SCOC: variants seen among roughly 807,000 people sequenced by gnomAD.
SCOC encodes the protein short coiled-coil protein.
A neutral mutation model predicts 9.9 loss-of-function variants in SCOC; 7 were observed. The observed-to-expected ratio is 0.71, with a 90% CI of 0.40 to 1.33. The LOEUF is 1.33. Among genes scored for constraint, SCOC ranks in the 40% most tolerant of loss-of-function variants. The pLI, the probability that SCOC is intolerant of heterozygous loss-of-function variation, is 0.01. For missense variants in SCOC, 66 were observed against 89.7 expected (o/e 0.74, Z 1.07); for synonymous variants, 19 against 28.2 (o/e 0.67, Z 1.03).
chr4:140,371,164 C>T (rs1018631110), upstream of SCOC, among the ~76,000 whole-genome samples: 5 of 152,174 alleles, frequency 3.3e-5, no homozygotes, highest in East Asian at 1.9e-4. Flanking sequence ...GGATTACAGC[C>T]GTGAGCCACC....
upstream of SCOC, among the ~76,000 whole-genome samples, chr4:140,340,783 CTTTT>C (rs36136647): frequency 1.2e-4 from 5 of 40,448 alleles, no homozygotes; most frequent in African/African-American, 1.9e-4. Flanking sequence ...TGCTGCCTAA[CTTTT>C]TTTTTTTTTT....
At chr4:140,268,164 C>G (rs1218773705) in intron 1 of SCOC, among the ~76,000 whole-genome samples, 1 of 152,188 alleles carries the variant, frequency 6.6e-6, no homozygotes, top group Admixed American at 6.5e-5. Flanking sequence ...AGAGAAAGCT[C>G]ATGTCCTCTC....
chr4:140,274,781 C>T (rs535849144), intron 1 of SCOC, among the ~76,000 whole-genome samples: 13 of 152,366 alleles, frequency 8.5e-5, no homozygotes, highest in Admixed American at 4.6e-4. Context: ...CAAAAGCCTT[C>T]AACCACTCCT....
chr4:140,263,252 G>A (rs758119963), intron 1 of SCOC, among the ~76,000 whole-genome samples: 1 of 152,140 alleles, frequency 6.6e-6, no homozygotes, highest in African/African-American at 2.4e-5. Flanking sequence ...TACTTGCTTG[G>A]CAATGATGTT....
At chr4:140,370,364 C>T (rs1727999051), upstream of SCOC, among the ~76,000 whole-genome samples, 1 of 152,130 alleles carries the variant, frequency 6.6e-6, no homozygotes, top group African/African-American at 2.4e-5. Context: ...TACAAATGTC[C>T]ATTAGGTCAA....
At position 140,318,102 on chromosome 4, in the gene SCOC, G is replaced by A. The variant is rs192214702; in HGVS notation, c.-18-25519G>A. 2.8e-4 allele frequency among the ~76,000 whole-genome samples: 42 copies of A among 151,830 alleles called. 1 individual carries two copies. The East Asian group carries it at 6.6e-3, about 24-fold the overall frequency. On this transcript the variant is annotated intron_variant, in intron 1 of 4. Coordinates refer to the SCOC transcript ENST00000394205. ...TTTTCTTAATCCAGTTGATTTAAAC[G>A]TTAGACCTAAAACCATAAAAACCCT... is the stretch of plus-strand genomic sequence containing the variant.
At chr4:140,363,465 A>T (rs574594936) in intron 2 of SCOC, among the ~76,000 whole-genome samples, 82 of 152,356 alleles carry the variant, frequency 5.4e-4, no homozygotes, top group Admixed American at 1.1e-3. Flanking sequence ...GCATAAACAT[A>T]TGTAGATACT....
In SCOC at chr4:140,383,427, A is replaced by G. The variant is rs551507521; in HGVS notation, c.*2323A>G. 6.6e-6 allele frequency: 1 copy of G among 152,344 alleles called. No individual in the cohort carries two copies. Among genetic ancestry groups the G allele is most frequent in the African/African-American group, 2.4e-5 (1 of 41,570 alleles). 9.4% of individuals were successfully genotyped at this position (152,344 alleles called of 1,614,324 possible). ...CCATTTATAATGTAGTTGGGACAGG[A>G]TGGCCAAATAAAAAGTCTCAATTTG... On this transcript the variant is annotated 3_prime_UTR_variant, in exon 4 of 4. Coordinates refer to ENST00000608372, the MANE Select transcript of SCOC (RefSeq NM_001153484.2).
chr4:140,314,908 T>A (rs1732269306), intron 1 of SCOC, among the ~76,000 whole-genome samples: 1 of 152,172 alleles, frequency 6.6e-6, no homozygotes, highest in Admixed American at 6.5e-5. Context: ...TTGCTGAATG[T>A]TCCTTTCCAT....
intron 2 of SCOC, among the ~76,000 whole-genome samples, chr4:140,343,908 C>T (rs567948320): frequency 2.1e-4 from 32 of 151,438 alleles, no homozygotes; most frequent in African/African-American, 7.5e-4. Context: ...TTTAAAGTTG[C>T]TGTCATTATA....
chr4:140,297,761 C>A (rs1052721370), intron 1 of SCOC, among the ~76,000 whole-genome samples: 6 of 152,080 alleles, frequency 3.9e-5, no homozygotes, highest in African/African-American at 1.4e-4. Flanking sequence ...AATTCAAACA[C>A]CATCACAGAG....
At chr4:140,258,056 C>T (rs574654848) in intron 1 of SCOC, among the ~76,000 whole-genome samples, 28 of 152,188 alleles carry the variant, frequency 1.8e-4, no homozygotes, top group Non-Finnish European at 3.1e-4. Context: ...ATAGGTCGTC[C>T]GGCTGCTCCC....
At chr4:140,285,334 C>T in intron 1 of SCOC, 1 of 454,462 alleles carries the variant, frequency 2.2e-6, no homozygotes, top group African/African-American at 2.0e-5. Context: ...TAGAGCATAT[C>T]TTTGTCACAA....
intron 1 of SCOC, among the ~76,000 whole-genome samples, chr4:140,298,451 A>G (rs1731712840): frequency 6.6e-6 from 1 of 152,248 alleles, no homozygotes; most frequent in African/African-American, 2.4e-5. Flanking sequence ...CCTGGGCTCC[A>G]GCTGGGAAAC....
intron 1 of SCOC, chr4:140,374,005 G>C (rs1440123799): frequency 1.7e-6 from 1 of 600,654 alleles, no homozygotes; most frequent in Non-Finnish European, 3.1e-6. Context: ...CTTTCTCCCC[G>C]CAGCTCCTGG....
At chr4:140,357,182 C>T (rs1382931136) in intron 2 of SCOC, among the ~76,000 whole-genome samples, 1 of 152,058 alleles carries the variant, frequency 6.6e-6, no homozygotes, top group East Asian at 1.9e-4. Context: ...CCATGTTGAC[C>T]AGGCTGGTCT....
At chr4:140,302,083 C>G (rs770825960) in intron 1 of SCOC, among the ~76,000 whole-genome samples, 2 of 152,222 alleles carry the variant, frequency 1.3e-5, no homozygotes, top group Non-Finnish European at 2.9e-5. Context: ...ATTGGCCTCC[C>G]TGGGCCTCCC....
intron 1 of SCOC, among the ~76,000 whole-genome samples, chr4:140,259,577 C>T (rs79308205): frequency 4.6e-5 from 7 of 152,150 alleles, no homozygotes; most frequent in African/African-American, 1.7e-4. Flanking sequence ...GTTATCCAGG[C>T]ATGGTAGTGT....
intron 2 of SCOC, among the ~76,000 whole-genome samples, chr4:140,354,354 T>C (rs1225951475): frequency 6.6e-6 from 1 of 152,212 alleles, no homozygotes; most frequent in Non-Finnish European, 1.5e-5. Context: ...ATTTCTGTAA[T>C]AAAATGTTAT....
Sources: allele counts gnomAD v4.1 joint callset (sites outside exome capture counted in the v4.1 genomes callset), GRCh38; gene constraint gnomAD v4.1.1; transcripts MANE v1.5; gene names NCBI Gene and HGNC (gene_info 2026-07-23, HGNC 2026-07-21).